The following CYP7A1 variants were observed in gnomAD, a reference collection of about 807,000 sequenced individuals.
CYP7A1 encodes the protein cytochrome P450 7A1.
Under a neutral mutation model 43.8 loss-of-function variants are expected in CYP7A1, and 28 were observed. That is an observed-to-expected ratio of 0.64 (90% CI 0.47 to 0.88). The LOEUF is 0.88. Among genes scored for constraint, CYP7A1 ranks in the 40% least tolerant of loss-of-function variants. The pLI is 0.00. For missense variants in CYP7A1, 637 were observed against 611.9 expected (o/e 1.04, Z -0.43); for synonymous variants, 227 against 222.5 (o/e 1.02, Z -0.18).
chr8:58,492,554 T>C (rs555141559), intron 4 of CYP7A1, 26 bp from the exon 5 acceptor site: 3 of 1,589,048 alleles, frequency 1.9e-6, no homozygotes, highest in African/African-American at 1.4e-5. Flanking sequence ...GAAAAAAAGA[T>C]AAAAAATGAA....
At chr8:58,495,880 C>G (rs1809436034) in intron 3 of CYP7A1, among the ~76,000 whole-genome samples, 1 of 152,128 alleles carries the variant, frequency 6.6e-6, no homozygotes, top group African/African-American at 2.4e-5. Context: ...TATGGAGGAG[C>G]AATTTTGTGT....
In CYP7A1 at chr8:58,492,385, G is replaced by A; in HGVS notation, c.1183C>T (p.His395Tyr). 6.2e-7 allele frequency: 1 copy of A among 1,614,026 alleles called. No homozygotes were observed. The highest frequency in any genetic ancestry group is 8.5e-7 in the Non-Finnish European group (1 of 1,179,940). The change falls in exon 5 of 6, where the codon CAC (histidine) becomes TAC (tyrosine). Residue 395 changes from histidine (H) to tyrosine (Y), a missense_variant. Transcript: ENST00000301645. ...TCTGGGTAGATTTCTGGATCTAAGT[G>A]CATTAACTGTGGGTAAAGAGCTATG... ...DIIALYPQLM[H>Y]LDPEIYPDPL...
chr8:58,495,683 T>G (rs973291375), intron 3 of CYP7A1, among the ~76,000 whole-genome samples: 2 of 152,252 alleles, frequency 1.3e-5, no homozygotes, highest in Non-Finnish European at 2.9e-5. Context: ...TGATGTTAAA[T>G]TGATGCGTAT....
At chr8:58,492,597 C>A in intron 4 of CYP7A1, 69 bp from the exon 5 acceptor site, 1 of 1,358,278 alleles carries the variant, frequency 7.4e-7, no homozygotes, top group African/African-American at 1.5e-5. Context: ...GAAGAACAAA[C>A]CAAGTGTTTG....
intron 1 of CYP7A1, among the ~76,000 whole-genome samples, chr8:58,499,454 G>A (rs758060273): frequency 3.9e-5 from 6 of 152,128 alleles, no homozygotes; most frequent in Non-Finnish European, 8.8e-5. Flanking sequence ...AAATGAAATC[G>A]ATGTCACATA....
rs922546527 is a variant in CYP7A1, at chr8:58,497,190, C to A, written c.322G>T (p.Ala108Ser). 6.3e-7 allele frequency: 1 copy of A among 1,597,684 alleles called. No homozygotes were observed. Among genetic ancestry groups the A allele is most frequent in the Non-Finnish European group, 8.5e-7 (1 of 1,178,278 alleles). Residue 108 changes from alanine to serine, a missense_variant and splice_region_variant, in exon 3 of 6, where the codon GCA becomes TCA. Transcript: ENST00000301645. ...KKFHFATSAK[A>S]FGHRSIDPMD... ...GGGTCAATGCTTCTGTGCCCAAATG[C>A]CTGATAGCAAATAAAACATGCAGAA...
In CYP7A1 at chr8:58,498,230, T is replaced by G. The variant is rs761546326; in HGVS notation, c.320A>C (p.Lys107Thr). Residue 107 changes from lysine (K) to threonine (T), a missense_variant and splice_region_variant, in exon 2 of 6, where the codon AAG becomes ACG. By Grantham distance (78) the Lys-to-Thr change is moderately conservative. Coordinates refer to ENST00000301645, the MANE Select transcript of CYP7A1 (RefSeq NM_000780.4). ...WKKFHFATSA[K>T]AFGHRSIDPM... Reference sequence around the variant, plus strand: ...GTATATAAATGTAAAACTGCTTACCTTCGCAGAAGTAGCAAAGTGAAATTT... The same window carrying G: ...GTATATAAATGTAAAACTGCTTACCGTCGCAGAAGTAGCAAAGTGAAATTT... 2.5e-6 allele frequency: 4 copies of G among 1,614,080 alleles called. No homozygotes were observed.
Position 58,498,375 on chromosome 8 carries a change from T to C in CYP7A1, c.175A>G (p.Asn59Asp). Residue 59 changes from asparagine to aspartate, a missense_variant, in exon 2 of 6, where the codon AAT becomes GAT. Physicochemically the swap from Asn to Asp is conservative, Grantham distance 23. Transcript: ENST00000301645. ...AAAACATGACCATGTTTCCTTTGAT[T>C]TGCTCTGAGGAACTCAAGAGGATTG... ...GANPLEFLRA[N>D]QRKHGHVFTC... 6.2e-7 allele frequency: 1 copy of C among 1,614,160 alleles called. No homozygotes were observed. Among genetic ancestry groups the C allele is most frequent in the Non-Finnish European group, 8.5e-7 (1 of 1,180,012 alleles).
chr8:58,492,526 T>C lies in CYP7A1; in HGVS notation c.1042A>G (p.Ser348Gly). Reference sequence around the variant, plus strand: ...AGCCTCAGCGATTCCTTGATTATACTATCTAAACATTTTAAAAGAAAAAAA... The same window carrying C: ...AGCCTCAGCGATTCCTTGATTATACCATCTAAACATTTTAAAAGAAAAAAA... The part of the protein sequence containing the change: ...AELNDLPVLD[S>G]IIKESLRLSS... The change falls in exon 5 of 6, where the codon AGT becomes GGT. Residue 348 changes from serine (S) to glycine (G), a missense_variant and splice_region_variant. Transcript: ENST00000301645. 6.2e-7 allele frequency: 1 copy of C among 1,611,120 alleles called. No individual in the cohort carries two copies. The highest frequency in any genetic ancestry group is 8.5e-7 in the Non-Finnish European group (1 of 1,177,502).
chr8:58,494,263 CA>C (rs1229087638), intron 4 of CYP7A1, among the ~76,000 whole-genome samples: 2 of 152,120 alleles, frequency 1.3e-5, no homozygotes, highest in Non-Finnish European at 2.9e-5. Flanking sequence ...TAGGATGCCA[CA>C]TAATGATGTA....
At chr8:58,493,373 A>C (rs1365053654) in intron 4 of CYP7A1, among the ~76,000 whole-genome samples, 1 of 152,164 alleles carries the variant, frequency 6.6e-6, no homozygotes, top group African/African-American at 2.4e-5. Flanking sequence ...TCCATATACT[A>C]TCTGATGCTG....
chr8:58,496,699 A>G lies in CYP7A1; in HGVS notation c.813T>C (p.Asp271=). 1 of 1,614,246 alleles carries G rather than the reference A, an allele frequency of 6.2e-7. No homozygotes were observed. The highest frequency in any genetic ancestry group is 8.5e-7 in the Non-Finnish European group (1 of 1,180,034). ...GGTGTGTCTTGGCCTTCTCCAGATC[A>G]TCAAAGGTGGACAAAGTGTCATTGA... ...MFLNDTLSTF[D]DLEKAKTHLV... The change falls in exon 3 of 6, where the codon GAT becomes GAC. Residue 271 remains aspartate (D), a synonymous_variant. Transcript: ENST00000301645.
chr8:58,498,024 C>A (rs1159637528), intron 2 of CYP7A1, among the ~76,000 whole-genome samples: 1 of 152,180 alleles, frequency 6.6e-6, no homozygotes. Flanking sequence ...CAACAAATGA[C>A]AAATCTATAC....
rs368772513 is a variant in CYP7A1 at position 58,494,504 on chromosome 8, A to G, written c.1039+2T>C. 2 of 1,613,870 alleles carry G rather than the reference A, an allele frequency of 1.2e-6. No homozygotes were observed. Among genetic ancestry groups the G allele is most frequent in the Admixed American group, 3.3e-5 (2 of 60,002 alleles). ...GAAACTCAACATAACAAGTATACCC[A>G]CCTAATACTGGCAGGTCATTCAGTT... On this transcript the variant is annotated splice_donor_variant, in intron 4 of 5. Transcript: ENST00000301645. LOFTEE classifies it high-confidence loss of function.
In CYP7A1 at chr8:58,497,133, C is replaced by T. The variant is rs1391016723; in HGVS notation, c.379G>A (p.Asp127Asn). 2.5e-6 allele frequency: 4 copies of T among 1,599,730 alleles called. No individual in the cohort carries two copies. The highest frequency in any genetic ancestry group is 3.3e-5 in the Admixed American group (2 of 60,010). Reference sequence around the variant, plus strand: ...CCCTGCAGGGTTTTGATGAAAGTGTCGTTTATGTTTTCAGTGGTATTTCCA... The same window carrying T: ...CCCTGCAGGGTTTTGATGAAAGTGTTGTTTATGTTTTCAGTGGTATTTCCA... ...MDGNTTENIN[D>N]TFIKTLQGHA... The change falls in exon 3 of 6, where the codon GAC (aspartate) becomes AAC (asparagine). Residue 127 changes from aspartate (D) to asparagine (N), a missense_variant. By Grantham distance (23) the Asp-to-Asn change is conservative. Coordinates refer to ENST00000301645, the MANE Select transcript of CYP7A1 (RefSeq NM_000780.4).
At position 58,498,456 on chromosome 8, in the gene CYP7A1, G is replaced by T. The variant is rs761807364; in HGVS notation, c.94C>A (p.Pro32Thr). Residue 32 changes from proline to threonine, a missense_variant, in exon 2 of 6, where the codon CCA becomes ACA. By Grantham distance (38) the Pro-to-Thr change is conservative (BLOSUM62 -1). Transcript: ENST00000301645. ...GGAATTAATCCATTCTCTAGAGGTG[G>T]TTCACCCGTTTGCCTGTCAGACACA... ...LGIRRRQTGE[P>T]PLENGLIPYL... The T allele has an allele frequency of 2.5e-6, 4 of 1,613,936 alleles. No homozygotes were observed. The highest frequency in any genetic ancestry group is 1.1e-5 in the South Asian group (1 of 91,088).
At chr8:58,499,156 A>C (rs1809493203) in intron 1 of CYP7A1, among the ~76,000 whole-genome samples, 1 of 152,244 alleles carries the variant, frequency 6.6e-6, no homozygotes, top group African/African-American at 2.4e-5. Context: ...TCTTGATAGA[A>C]TAATACAGTA....
Position 58,498,404 on chromosome 8 carries a change from C to G in CYP7A1, c.146G>C (p.Gly49Ala). 6.2e-7 allele frequency: 1 copy of G among 1,614,080 alleles called. No homozygotes were observed. The highest frequency in any genetic ancestry group is 8.5e-7 in the Non-Finnish European group (1 of 1,179,994). Residue 49 changes from glycine (G) to alanine (A), a missense_variant, in exon 2 of 6, where the codon GGT (glycine) becomes GCT (alanine). Physicochemically the swap from Gly to Ala is moderately conservative, Grantham distance 60. Coordinates refer to ENST00000301645, the MANE Select transcript of CYP7A1 (RefSeq NM_000780.4). ...TCTGAGGAACTCAAGAGGATTGGCA[C>G]CAAATTGCAGAGCACAGCCCAGGTA... ...IPYLGCALQF[G>A]ANPLEFLRAN...
In CYP7A1 at chr8:58,496,534, TAA is replaced by T. The variant is rs1240596898; in HGVS notation, c.908+68_908+69del. The T allele has an allele frequency of 3.1e-6, 4 of 1,296,986 alleles. No individual in the cohort carries two copies. In the Admixed American group the frequency reaches 7.7e-5, roughly 25 times the overall value. The allele number at this position is 1,296,986 out of a possible 1,614,324, so 80.3% of individuals were successfully genotyped here. A position where few individuals can be genotyped will look rare whatever the true frequency, so the allele number is the denominator to read the frequency against. ...TAAAGTACTACGAGGCTTTTTTTCT[TAA>T]AGTTAAAGTGGTTTAATTTCTACTT... On this transcript the variant is annotated intron_variant, in intron 3 of 5. Transcript: ENST00000301645.
Sources: gnomAD v4.1 joint callset for allele counts (sites outside exome capture counted in the v4.1 genomes callset) on GRCh38, gnomAD v4.1.1 for gene constraint, MANE v1.5 for transcripts, NCBI Gene and HGNC (gene_info 2026-07-23, HGNC 2026-07-21) for gene names.